The following AP3B1 variants were observed in gnomAD, a reference collection of about 807,000 sequenced individuals.
AP3B1 encodes the protein AP-3 complex subunit beta-1.
AP3B1 carries 61 observed loss-of-function variants against 132.5 expected under a neutral mutation model. The observed-to-expected ratio is 0.46, with a 90% CI of 0.37 to 0.57. The LOEUF (loss-of-function observed/expected upper bound fraction) is 0.57. Ranked by LOEUF, AP3B1 falls within the 20% of genes least tolerant of loss-of-function variation. The probability of loss-of-function intolerance (pLI) is 0.00; values close to 1 mark genes in which losing one functional copy is unlikely to be tolerated. For missense variants in AP3B1, 1,120 were observed against 1,289.4 expected (o/e 0.87, Z 2.01); for synonymous variants, 388 against 438.3 (o/e 0.89, Z 1.43).
At chr5:78,167,261 G>A (rs1233809458) in intron 11 of AP3B1, among the ~76,000 whole-genome samples, 1 of 152,074 alleles carries the variant, frequency 6.6e-6, no homozygotes, top group Non-Finnish European at 1.5e-5. Context: ...CTACTTATTA[G>A]GGAAATGCAA....
chr5:78,253,334 C>A (rs1184101743), intron 2 of AP3B1, among the ~76,000 whole-genome samples: 1 of 152,256 alleles, frequency 6.6e-6, no homozygotes, highest in Non-Finnish European at 1.5e-5. Context: ...AGAACATCTA[C>A]TTGCACCAAC....
At position 78,116,154 on chromosome 5, in the gene AP3B1, C is replaced by T; in HGVS notation, c.2049G>A (p.Glu683=). 1 of 1,612,610 alleles carries T rather than the reference C, an allele frequency of 6.2e-7. No homozygotes were observed. The highest frequency in any genetic ancestry group is 2.2e-5 in the East Asian group (1 of 44,820). The change falls in exon 18 of 27, where the codon GAG becomes GAA. Residue 683 remains glutamate (E), a synonymous_variant. Coordinates refer to ENST00000255194, the MANE Select transcript of AP3B1 (RefSeq NM_003664.5). ...KKFYSESEEE[E]DSSDSSSDSE... is the part of the protein sequence containing the mutation. ...TGTCACTGCTACTATCAGAAGAGTC[C>T]TCCTCTTCCTCAGATTCAGAATAAA...
At chr5:78,224,150 T>C (rs1746305950) in intron 6 of AP3B1, among the ~76,000 whole-genome samples, 1 of 152,128 alleles carries the variant, frequency 6.6e-6, no homozygotes, top group African/African-American at 2.4e-5. Context: ...ATGCCTGTCA[T>C]ACAGAAGACA....
intron 2 of AP3B1, among the ~76,000 whole-genome samples, chr5:78,251,143 G>A (rs1747615162): frequency 6.6e-6 from 1 of 152,042 alleles, no homozygotes; most frequent in African/African-American, 2.4e-5. Flanking sequence ...AATCAGTAAA[G>A]AAAAAACACA....
At chr5:78,097,563 G>A (rs1161582858) in intron 21 of AP3B1, among the ~76,000 whole-genome samples, 1 of 131,050 alleles carries the variant, frequency 7.6e-6, no homozygotes, top group African/African-American at 2.9e-5. Flanking sequence ...GAGGTAGGGG[G>A]TCAGCCCCCC....
At chr5:78,216,941 T>C (rs1745988226) in intron 6 of AP3B1, among the ~76,000 whole-genome samples, 1 of 152,116 alleles carries the variant, frequency 6.6e-6, no homozygotes, top group Non-Finnish European at 1.5e-5. Flanking sequence ...ACTGTGATGC[T>C]TTTACAAAGT....
At chr5:78,185,235 A>G (rs1580458065) in intron 7 of AP3B1, among the ~76,000 whole-genome samples, 1 of 152,248 alleles carries the variant, frequency 6.6e-6, no homozygotes, top group East Asian at 1.9e-4. Flanking sequence ...TTAGACAGAA[A>G]GGAAATGATA....
intron 22 of AP3B1, among the ~76,000 whole-genome samples, chr5:78,056,860 A>G (rs1225896642): frequency 6.6e-6 from 1 of 152,190 alleles, no homozygotes; most frequent in East Asian, 1.9e-4. Flanking sequence ...TTCCCTCCCA[A>G]TTGTAATGTC....
At chr5:78,162,205 C>T (rs533370858) in intron 13 of AP3B1, among the ~76,000 whole-genome samples, 26 of 152,190 alleles carry the variant, frequency 1.7e-4, no homozygotes, top group Non-Finnish European at 3.7e-4. Flanking sequence ...ATAGAAATAA[C>T]TGACGCTTTG....
chr5:78,180,415 AT>A, intron 8 of AP3B1, among the ~76,000 whole-genome samples: 1 of 152,220 alleles, frequency 6.6e-6, no homozygotes, highest in African/African-American at 2.4e-5. Flanking sequence ...ATATAAAAGA[AT>A]TAAATGACAC....
chr5:78,085,248 T>TA (rs1478114535), intron 22 of AP3B1, among the ~76,000 whole-genome samples: 5 of 152,218 alleles, frequency 3.3e-5, no homozygotes, highest in Non-Finnish European at 7.3e-5. Context: ...TTGGTTTTTG[T>TA]AATTTTTGCT....
At chr5:78,005,834 G>A (rs900381579) in intron 26 of AP3B1, among the ~76,000 whole-genome samples, 25 of 152,178 alleles carry the variant, frequency 1.6e-4, no homozygotes, top group African/African-American at 5.1e-4. Context: ...TTTAACTCCT[G>A]CACAGGCTAT....
At chr5:78,084,384 T>C (rs1580324952) in intron 22 of AP3B1, among the ~76,000 whole-genome samples, 1 of 147,330 alleles carries the variant, frequency 6.8e-6, no homozygotes, top group Non-Finnish European at 1.5e-5. Flanking sequence ...AAAATTAGGG[T>C]GTGGTGGCAG....
At chr5:78,290,568 T>A (rs1383394232) in intron 1 of AP3B1, among the ~76,000 whole-genome samples, 1 of 150,264 alleles carries the variant, frequency 6.7e-6, no homozygotes, top group African/African-American at 2.4e-5. Flanking sequence ...TAGGCACACA[T>A]ACCCAAATTG....
At chr5:78,037,293 T>C (rs1747846276) in intron 23 of AP3B1, among the ~76,000 whole-genome samples, 1 of 152,162 alleles carries the variant, frequency 6.6e-6, no homozygotes, top group Non-Finnish European at 1.5e-5. Flanking sequence ...TGACACTTCC[T>C]AAACTAATTT....
Position 78,165,321 on chromosome 5 carries a change from G to A in AP3B1, c.1230+289C>T, listed in dbSNP as rs536975320. ...AATATAGAAAGGACTATTGATGCTG[G>A]CAGCACAAAAAGATGAAATTCTTAC... On this transcript the variant is annotated intron_variant, in intron 12 of 26. Coordinates refer to ENST00000255194, the MANE Select transcript of AP3B1 (RefSeq NM_003664.5). 5.3e-5 allele frequency among the ~76,000 whole-genome samples: 8 copies of A among 152,114 alleles called. No homozygotes were observed. The South Asian group carries it at 1.7e-3, about 32-fold the overall frequency.
intron 3 of AP3B1, among the ~76,000 whole-genome samples, chr5:78,231,044 C>T (rs371918443): frequency 1.3e-4 from 19 of 151,896 alleles, no homozygotes; most frequent in African/African-American, 4.6e-4. Flanking sequence ...TGCTGGAACC[C>T]GGGAGGCAGA....
In AP3B1 at chr5:78,016,516, A is replaced by G. The variant is rs151154351; in HGVS notation, c.2993-968T>C. On this transcript the variant is annotated intron_variant, in intron 25 of 26. Transcript: ENST00000255194. Reference sequence around the variant, plus strand: ...CCAATAACTCTTTGAGATATTTGATATGTGCACAGTAGTTTACAAAATTGA... The same window carrying G: ...CCAATAACTCTTTGAGATATTTGATGTGTGCACAGTAGTTTACAAAATTGA... Among the ~76,000 whole-genome samples the G allele has an allele frequency of 2.5e-3, 380 of 152,240 alleles. 1 individual carries two copies. The highest frequency in any genetic ancestry group is 8.5e-3 in the African/African-American group (355 of 41,560).
At chr5:78,259,311 A>C (rs1477130850) in intron 2 of AP3B1, among the ~76,000 whole-genome samples, 2 of 152,106 alleles carry the variant, frequency 1.3e-5, no homozygotes, top group East Asian at 3.9e-4. Flanking sequence ...GTGGGGTCTA[A>C]AAATCAAAAC....
Sources: allele counts gnomAD v4.1 joint callset (sites outside exome capture counted in the v4.1 genomes callset), GRCh38; gene constraint gnomAD v4.1.1; transcripts MANE v1.5; gene names NCBI Gene and HGNC (gene_info 2026-07-23, HGNC 2026-07-21).